POLR1A: variants seen among roughly 807,000 people sequenced by gnomAD.
POLR1A encodes RNA polymerase I subunit A, also known as DNA-directed RNA polymerase I subunit RPA1.
A neutral mutation model predicts 205.3 loss-of-function variants in POLR1A; 84 were observed. The observed-to-expected ratio is 0.41, with a 90% CI of 0.34 to 0.49. The LOEUF (loss-of-function observed/expected upper bound fraction) is 0.49, where lower values mean the gene tolerates loss of function less well. Ranked by LOEUF, POLR1A falls within the 20% of genes least tolerant of loss-of-function variation. The pLI, the probability that POLR1A is intolerant of heterozygous loss-of-function variation, is 0.22. For synonymous variants in POLR1A, 799 were observed against 863.7 expected (o/e 0.93, Z 1.31); for missense variants, 1,645 against 2,204.5 (o/e 0.75, Z 5.08).
In POLR1A at chr2:86,097,214, C is replaced by CAAAAAAAAAAAAAAAAAAAAAAAAAAA. The variant is rs757210116; in HGVS notation, c.432+1370_432+1396dup. ...CATTAGGATGGCTATCCCCAAAAGA[C>CAAAAAAAAAAAAAAAAAAAAAAAAAAA]AAAAAAAAAAAAAAAAAAAAAAAAA... On this transcript the variant is annotated intron_variant, in intron 3 of 33. Coordinates refer to ENST00000263857, the MANE Select transcript of POLR1A (RefSeq NM_015425.6). Among the ~76,000 whole-genome samples the CAAAAAAAAAAAAAAAAAAAAAAAAAAA allele has an allele frequency of 9.6e-4, 38 of 39,692 alleles. 13 individuals carry two copies. Among genetic ancestry groups the CAAAAAAAAAAAAAAAAAAAAAAAAAAA allele is most frequent in the African/African-American group, 3.1e-3 (31 of 10,110 alleles). 26.0% of individuals were successfully genotyped at this position (39,692 alleles called of 152,430 possible). A position where few individuals can be genotyped will look rare whatever the true frequency, so the allele number is the denominator to read the frequency against.
chr2:86,094,023 C>G (rs1398618065), intron 3 of POLR1A, among the ~76,000 whole-genome samples: 1 of 152,192 alleles, frequency 6.6e-6, no homozygotes, highest in Non-Finnish European at 1.5e-5. Context: ...TCAGATTCGG[C>G]TAACACATCT....
rs769022078 is a variant in POLR1A, at chr2:86,052,850, C to T, written c.2359G>A (p.Ala787Thr). 6.9e-6 allele frequency: 11 copies of T among 1,587,104 alleles called. No homozygotes were observed. The highest frequency in any genetic ancestry group is 2.7e-5 in the African/African-American group (2 of 73,546). Residue 787 changes from alanine to threonine, a missense_variant, in exon 16 of 34, where the codon GCC becomes ACC. Around this residue, in one of 16 missense-constraint regions of POLR1A, gnomAD observed 339 missense variants for 415.1 expected, o/e 0.82. Coordinates refer to ENST00000263857, the MANE Select transcript of POLR1A (RefSeq NM_015425.6). ...AAGCCTCTGTAGAGCTGCAGGTAGG[C>T]GGTGAAGAGGCGGGCCAGGCAGGTT... is the stretch of plus-strand genomic sequence containing the variant. Reference protein sequence around the residue: ...VLTCLARLFTAYLQLYRGFTL... With the variant: ...VLTCLARLFTTYLQLYRGFTL...
At chr2:86,037,929 C>T (rs1416593602) in intron 27 of POLR1A, among the ~76,000 whole-genome samples, 3 of 152,310 alleles carry the variant, frequency 2.0e-5, no homozygotes, top group East Asian at 3.9e-4. Context: ...TTCAGTCTGC[C>T]GGGGGCCTCC....
At chr2:86,074,095 C>T (rs4832021) in intron 12 of POLR1A, among the ~76,000 whole-genome samples, 124,524 of 152,166 alleles carry the variant, frequency 0.82, 51,754 homozygotes, top group Non-Finnish European at 0.89. Flanking sequence ...CCCCTCAGGA[C>T]GGCGGTGAGA....
chr2:86,032,475 A>G (rs2104381515), intron 28 of POLR1A, 93 bp from the exon 29 acceptor site: 1 of 912,600 alleles, frequency 1.1e-6, no homozygotes, highest in Non-Finnish European at 1.8e-6. Context: ...CCATCCATCC[A>G]TGCCCCACCC....
At chr2:86,035,942 C>A (rs1672485467) in intron 27 of POLR1A, among the ~76,000 whole-genome samples, 1 of 152,152 alleles carries the variant, frequency 6.6e-6, no homozygotes. Flanking sequence ...GACCAGTGTG[C>A]CAGTTTTCCT....
In POLR1A at chr2:86,041,891, G is replaced by A; in HGVS notation, c.3570C>T (p.Asp1190=). The A allele has an allele frequency of 1.2e-6, 2 of 1,612,590 alleles. No homozygotes were observed. Among genetic ancestry groups the A allele is most frequent in the Non-Finnish European group, 1.7e-6 (2 of 1,178,576 alleles). The change falls in exon 24 of 34, where the codon GAC becomes GAT. Residue 1190 remains aspartate (D), a splice_region_variant and synonymous_variant. Transcript: ENST00000263857. ...GTGCAACAAATCACTGTCAATACCTGTCGAGAGAAAGCTCTGATTTCTCAT... is the reference window on the plus strand; with the variant it reads ...GTGCAACAAATCACTGTCAATACCTATCGAGAGAAAGCTCTGATTTCTCAT... ...KSYEKSELSL[D]RLRTLLQLKW...
rs1673068242 is a variant in POLR1A, at chr2:86,065,348, T to C, written c.1984A>G (p.Thr662Ala). ...HYMELVYRGL[T>A]DKVGRVKLLS... ...AGCTTCACGCGCCCCACTTTGTCCG[T>C]GAGTCCTCGGTACACCAGCTCCATA... The change falls in exon 14 of 34, where the codon ACG (threonine) becomes GCG (alanine). Residue 662 changes from threonine to alanine, a missense_variant. Physicochemically the swap from Thr to Ala is moderately conservative, Grantham distance 58. Coordinates refer to ENST00000263857, the MANE Select transcript of POLR1A (RefSeq NM_015425.6). 6.2e-7 allele frequency: 1 copy of C among 1,614,076 alleles called. No individual in the cohort carries two copies. Among genetic ancestry groups the C allele is most frequent in the Non-Finnish European group, 8.5e-7 (1 of 1,180,030 alleles).
chr2:86,069,954 C>A, intron 13 of POLR1A, 64 bp downstream of exon 13: 1 of 1,543,924 alleles, frequency 6.5e-7, no homozygotes, highest in Non-Finnish European at 8.7e-7. Context: ...GCTGGCAGGG[C>A]CCAACTTAAA....
chr2:86,079,046 G>T (rs546469590), intron 9 of POLR1A, among the ~76,000 whole-genome samples: 21 of 152,242 alleles, frequency 1.4e-4, no homozygotes, highest in African/African-American at 4.6e-4. Context: ...ACGTCTTCCA[G>T]TGTGGGCAGA....
At chr2:86,053,075 G>A in intron 15 of POLR1A, 75 bp from the exon 16 acceptor site, 1 of 1,129,688 alleles carries the variant, frequency 8.9e-7, no homozygotes, top group Non-Finnish European at 1.2e-6. Context: ...TCTACTCCAT[G>A]TGTGACCCTC....
chr2:86,026,319 G>A lies in POLR1A; in HGVS notation c.*1104C>T, dbSNP rs565352963. The A allele has an allele frequency of 1.3e-5, 2 of 152,216 alleles. No homozygotes were observed. Among genetic ancestry groups the A allele is most frequent in the South Asian group, 4.1e-4 (2 of 4,822 alleles). 9.4% of individuals were successfully genotyped at this position (152,216 alleles called of 1,614,324 possible). A position where few individuals can be genotyped will look rare whatever the true frequency, so the allele number is the denominator to read the frequency against. Reference sequence around the variant, plus strand: ...TCCAAATGCAGAAACTGCAAACCAAGGGAAAAAATTGTTGTAAAAAAAACC... The same window carrying A: ...TCCAAATGCAGAAACTGCAAACCAAAGGAAAAAATTGTTGTAAAAAAAACC... On this transcript the variant is annotated 3_prime_UTR_variant, in exon 34 of 34. Coordinates refer to ENST00000263857, the MANE Select transcript of POLR1A (RefSeq NM_015425.6).
chr2:86,080,138 C>T (rs149974102), intron 9 of POLR1A, among the ~76,000 whole-genome samples: 8 of 152,226 alleles, frequency 5.3e-5, no homozygotes, highest in South Asian at 2.1e-4. Context: ...TCTGAGAACC[C>T]GGACTGTCTA....
chr2:86,065,656 G>C, intron 13 of POLR1A, 191 bp from the exon 14 acceptor site: 1 of 589,248 alleles, frequency 1.7e-6, no homozygotes, highest in South Asian at 2.1e-5. Context: ...CCAGGGTTTA[G>C]CACTGGCTTC....
At chr2:86,086,369 A>C (rs74387535) in intron 6 of POLR1A, among the ~76,000 whole-genome samples, 3,641 of 152,180 alleles carry the variant, frequency 0.024, 146 homozygotes, top group African/African-American at 0.082. Context: ...TACAGGCGTG[A>C]GCCACCACTC....
In POLR1A at chr2:86,024,052, A is replaced by G. The variant is rs1298603164; in HGVS notation, c.*3371T>C. On this transcript the variant is annotated 3_prime_UTR_variant, in exon 34 of 34. Transcript: ENST00000263857. The stretch of plus-strand genomic sequence containing the variant: ...GTGTGAACGCCTGGCCTGGCCTCAG[A>G]TATCTGTATATCCATGTTCACAGCG... 1.3e-5 allele frequency: 2 copies of G among 152,282 alleles called. No individual in the cohort carries two copies. The highest frequency in any genetic ancestry group is 4.8e-5 in the African/African-American group (2 of 41,282). 9.4% of individuals were successfully genotyped at this position (152,282 alleles called of 1,614,324 possible).
chr2:86,056,889 A>G (rs1672907241), intron 14 of POLR1A, among the ~76,000 whole-genome samples: 1 of 152,216 alleles, frequency 6.6e-6, no homozygotes, highest in Non-Finnish European at 1.5e-5. Context: ...TTCATTGACA[A>G]TGCATCTGGT....
chr2:86,080,925 A>G lies in POLR1A; in HGVS notation c.977T>C (p.Val326Ala). Residue 326 changes from valine (V) to alanine (A), a missense_variant, in exon 9 of 34, where the codon GTG becomes GCG. This residue lies in a region of POLR1A where 78 missense variants were observed against 77.7 expected (regional missense o/e 1.00). Transcript: ENST00000263857. ...GDQMFTNGQT[V>A]NLQAVMKDVV... ...ATCCTTCATGACAGCCTGCAAGTTC[A>G]CCGTCTGGCCATTAGTAAACATCTG... is the stretch of plus-strand genomic sequence containing the variant. 2 of 1,614,098 alleles carry G rather than the reference A, an allele frequency of 1.2e-6. No individual in the cohort carries two copies. The highest frequency in any genetic ancestry group is 2.2e-5 in the East Asian group (1 of 44,886).
chr2:86,047,645 A>G (rs1672733096), intron 18 of POLR1A, among the ~76,000 whole-genome samples: 1 of 152,248 alleles, frequency 6.6e-6, no homozygotes, highest in Non-Finnish European at 1.5e-5. Context: ...CGCCCAGCAG[A>G]GCCTGGCCTG....
Sources: gnomAD v4.1 joint callset for allele counts (sites outside exome capture counted in the v4.1 genomes callset) on GRCh38, gnomAD v4.1.1 for gene constraint, gnomAD v4.1.1 regional missense constraint, MANE v1.5 for transcripts, NCBI Gene and HGNC (gene_info 2026-07-23, HGNC 2026-07-21) for gene names.